UBE2L6: variants seen among roughly 807,000 people sequenced by gnomAD.
The protein encoded by UBE2L6 is ubiquitin conjugating enzyme E2 L6.
A neutral mutation model predicts 13.6 loss-of-function variants in UBE2L6; 11 were observed. That is an observed-to-expected ratio of 0.81 (90% CI 0.51 to 1.34). The LOEUF (loss-of-function observed/expected upper bound fraction) is 1.34, where lower values mean the gene tolerates loss of function less well. Ranked by LOEUF, UBE2L6 falls within the 40% of genes most tolerant of loss-of-function variation. UBE2L6 has a pLI of 0.00. For missense variants in UBE2L6, 197 were observed against 199.5 expected (o/e 0.99, Z 0.07); for synonymous variants, 74 against 83.2 (o/e 0.89, Z 0.60).
In UBE2L6 at chr11:57,554,434, C is replaced by A. The variant is rs1374805748; in HGVS notation, c.310+3G>T. 1 of 1,613,328 alleles carries A rather than the reference C, an allele frequency of 6.2e-7. No individual in the cohort carries two copies. Among genetic ancestry groups the A allele is most frequent in the East Asian group, 2.2e-5 (1 of 44,850 alleles). ...CCCTCCTCCAAGCAAAGCCCAACCCCACCTTGGCAAGTCTTGGTGCAAGGC... is the reference window on the plus strand; with the variant it reads ...CCCTCCTCCAAGCAAAGCCCAACCCAACCTTGGCAAGTCTTGGTGCAAGGC... On this transcript the variant is annotated splice_donor_region_variant and intron_variant, in intron 3 of 3. Transcript: ENST00000287156.
intron 2 of UBE2L6, among the ~76,000 whole-genome samples, chr11:57,556,668 T>C (rs72925976): frequency 0.03 from 4,548 of 150,962 alleles, 89 homozygotes; most frequent in Non-Finnish European, 0.048. Flanking sequence ...TCATTTTTTA[T>C]GGTCTCAGTA....
rs1013993490 is a variant in UBE2L6 at position 57,566,952 on chromosome 11, C to T, written c.27+633G>A. 1.2e-4 allele frequency: 21 copies of T among 168,440 alleles called. 1 individual carries two copies. The highest frequency in any genetic ancestry group is 1.9e-4 in the Non-Finnish European group (15 of 80,542). The allele number at this position is 168,440 out of a possible 1,614,324, so 10.4% of individuals were successfully genotyped here. On this transcript the variant is annotated intron_variant, in intron 1 of 3. Coordinates refer to ENST00000287156, the MANE Select transcript of UBE2L6 (RefSeq NM_004223.5). The stretch of plus-strand genomic sequence containing the variant: ...ATTTGTGTTCATCTCTGCCCGCCCC[C>T]CCCCCCCTCCTAGAACAGGGCCAGC...
chr11:57,552,548 G>A (rs1310864975), intron 3 of UBE2L6, 39 bp from the exon 4 acceptor site: 2 of 1,612,062 alleles, frequency 1.2e-6, no homozygotes, highest in East Asian at 2.2e-5. Context: ...TCAGGGCAGA[G>A]GGAAGGGAGT....
chr11:57,552,956 A>G (rs1327311384), intron 3 of UBE2L6, among the ~76,000 whole-genome samples: 1 of 152,170 alleles, frequency 6.6e-6, no homozygotes, highest in Non-Finnish European at 1.5e-5. Flanking sequence ...GCAGCAGCCC[A>G]TCTCCCGAGA....
At chr11:57,562,022 A>G (rs1945051695) in intron 1 of UBE2L6, among the ~76,000 whole-genome samples, 1 of 152,254 alleles carries the variant, frequency 6.6e-6, no homozygotes, top group South Asian at 2.1e-4. Flanking sequence ...GGGAGAGTGG[A>G]TAGAGGCCAG....
chr11:57,554,172 G>A (rs937420998), intron 3 of UBE2L6, among the ~76,000 whole-genome samples: 10 of 152,012 alleles, frequency 6.6e-5, no homozygotes, highest in East Asian at 1.9e-4. Flanking sequence ...TTCTTTTCCC[G>A]AGCCCTTCCC....
At position 57,567,615 on chromosome 11, in the gene UBE2L6, G is replaced by A. The variant is rs369383436; in HGVS notation, c.-4C>T. 1 of 1,607,756 alleles carries A rather than the reference G, an allele frequency of 6.2e-7. No individual in the cohort carries two copies. The highest frequency in any genetic ancestry group is 1.3e-5 in the African/African-American group (1 of 75,026). On this transcript the variant is annotated 5_prime_UTR_variant, in exon 1 of 4. Transcript: ENST00000287156. The stretch of plus-strand genomic sequence containing the variant: ...CCACTCGCATGCTCGCCATCATGTC[G>A]GGACCGAGTGTGTGGCACCCGTGGC...
chr11:57,554,339 C>T, intron 3 of UBE2L6, 98 bp downstream of exon 3: 2 of 1,442,122 alleles, frequency 1.4e-6, no homozygotes, highest in South Asian at 2.7e-5. Context: ...TTTATCTCCT[C>T]TCTTTGGGGC....
chr11:57,567,358 G>T, intron 1 of UBE2L6: 1 of 631,880 alleles, frequency 1.6e-6, no homozygotes, highest in South Asian at 2.0e-5. Context: ...TCTTCACCAC[G>T]CGAACGGCTC....
At chr11:57,561,161 G>A (rs903291949) in intron 1 of UBE2L6, among the ~76,000 whole-genome samples, 16 of 151,958 alleles carry the variant, frequency 1.1e-4, no homozygotes, top group African/African-American at 3.4e-4. Context: ...CGTAAGCATC[G>A]ACTGAGCATC....
At position 57,552,487 on chromosome 11, in the gene UBE2L6, C is replaced by T. The variant is rs948397843; in HGVS notation, c.333G>A (p.Leu111=). The change falls in exon 4 of 4, where the codon CTG becomes CTA. Residue 111 remains leucine, a synonymous_variant. Transcript: ENST00000287156. ...TCQVLEALNV[L]VNRPNIREPL... ...GCTCCCTGATATTCGGTCTATTCAC[C>T]AGCACATTGAGGGCCTCCAGGACTG... 10 of 1,614,040 alleles carry T rather than the reference C, an allele frequency of 6.2e-6. No individual in the cohort carries two copies. Among genetic ancestry groups the T allele is most frequent in the Admixed American group, 1.7e-5 (1 of 59,990 alleles).
At chr11:57,560,484 C>T (rs781653026) in intron 1 of UBE2L6, 52 bp from the exon 2 acceptor site, 5 of 1,362,616 alleles carry the variant, frequency 3.7e-6, no homozygotes, top group African/African-American at 2.9e-5. Context: ...CTTATTTCAG[C>T]CCCCTCCCCC....
At chr11:57,566,685 C>G (rs1169789877) in intron 1 of UBE2L6, among the ~76,000 whole-genome samples, 1 of 152,134 alleles carries the variant, frequency 6.6e-6, no homozygotes, top group Non-Finnish European at 1.5e-5. Flanking sequence ...ATTTTCTTCT[C>G]AGAGGCTGAG....
chr11:57,552,856 G>C (rs1944969938), intron 3 of UBE2L6, among the ~76,000 whole-genome samples: 1 of 152,030 alleles, frequency 6.6e-6, no homozygotes, highest in Non-Finnish European at 1.5e-5. Flanking sequence ...ACTTTTCCTT[G>C]GGCAAAAGAG....
chr11:57,562,345 C>T (rs1457528521), intron 1 of UBE2L6, among the ~76,000 whole-genome samples: 1 of 152,246 alleles, frequency 6.6e-6, no homozygotes, highest in Non-Finnish European at 1.5e-5. Flanking sequence ...GTTTCCGACT[C>T]CAGGCCCTGG....
In UBE2L6 at chr11:57,558,858, G is replaced by A. The variant is rs79073363; in HGVS notation, c.123+1479C>T. Among the ~76,000 whole-genome samples the A allele has an allele frequency of 3.7e-3, 569 of 152,284 alleles. 7 individuals carry two copies. The highest frequency in any genetic ancestry group is 0.013 in the African/African-American group (525 of 41,552). On this transcript the variant is annotated intron_variant, in intron 2 of 3. Coordinates refer to ENST00000287156, the MANE Select transcript of UBE2L6 (RefSeq NM_004223.5). ...CAGGCACCTTCAGGCCCCCTTAGCTGATGACTTACATCAAGCTTTGGTCCT... is the reference window on the plus strand; with the variant it reads ...CAGGCACCTTCAGGCCCCCTTAGCTAATGACTTACATCAAGCTTTGGTCCT...
At chr11:57,558,951 C>T (rs897049532) in intron 2 of UBE2L6, among the ~76,000 whole-genome samples, 2 of 152,208 alleles carry the variant, frequency 1.3e-5, no homozygotes, top group Non-Finnish European at 2.9e-5. Context: ...AGGTCTGTGG[C>T]CAGTTCCTGG....
At chr11:57,555,254 T>C (rs373464648) in intron 2 of UBE2L6, among the ~76,000 whole-genome samples, 1 of 152,292 alleles carries the variant, frequency 6.6e-6, no homozygotes, top group African/African-American at 2.4e-5. Flanking sequence ...TATCAATGGA[T>C]CAATCAACAA....
chr11:57,562,619 G>A (rs1161186969), intron 1 of UBE2L6, among the ~76,000 whole-genome samples: 5 of 152,244 alleles, frequency 3.3e-5, no homozygotes, highest in African/African-American at 1.2e-4. Flanking sequence ...GCTCCAGGGA[G>A]CTCAGCACGG....
Sources: gnomAD v4.1 joint callset for allele counts (sites outside exome capture counted in the v4.1 genomes callset) on GRCh38, gnomAD v4.1.1 for gene constraint, MANE v1.5 for transcripts, NCBI Gene and HGNC (gene_info 2026-07-23, HGNC 2026-07-21) for gene names.